Variants in CLCN5 observed in about 807,000 individuals in gnomAD.
CLCN5 encodes the protein H(+)/Cl(-) exchange transporter 5.
A neutral mutation model predicts 54.0 loss-of-function variants in CLCN5; 17 were observed. The ratio of observed to expected loss-of-function variants is 0.31; its 90% CI spans 0.22 to 0.47. The LOEUF is 0.47. CLCN5 is among the 20% of genes least tolerant of loss of function. The pLI, the probability that CLCN5 is intolerant of heterozygous loss-of-function variation, is 1.00. For missense variants in CLCN5, 448 were observed against 646.7 expected (o/e 0.69, Z 3.33); for synonymous variants, 222 against 233.0 (o/e 0.95, Z 0.43).
Position 50,094,819 on chromosome X carries a change from G to A in CLCN5, c.*2600G>A, listed in dbSNP as rs1048536445. 8.9e-6 allele frequency: 1 copy of A among 112,730 alleles called. No individual in the cohort carries two copies. The highest frequency in any genetic ancestry group is 1.9e-5 in the Non-Finnish European group (1 of 53,330). 9.3% of individuals were successfully genotyped at this position (112,730 alleles called of 1,213,427 possible). ...GTATATGGTATCCACTATATGTCCA[G>A]TCCTATGGTTTGGCTCAAAGGTTGG... On this transcript the variant is annotated 3_prime_UTR_variant, in exon 15 of 15. Transcript: ENST00000376091.
rs912724664 is a variant in CLCN5, at chrX:50,094,632, A to T, written c.*2413A>T. Reference sequence around the variant, plus strand: ...GCTACTTCAGAGAATAAATTAGAGAAATCAGATAACACTGTGCCAAGGTAT... The same window carrying T: ...GCTACTTCAGAGAATAAATTAGAGATATCAGATAACACTGTGCCAAGGTAT... On this transcript the variant is annotated 3_prime_UTR_variant, in exon 15 of 15. Transcript: ENST00000376091. 8.9e-6 allele frequency: 1 copy of T among 112,475 alleles called. No individual in the cohort carries two copies. Among genetic ancestry groups the T allele is most frequent in the African/African-American group, 3.2e-5 (1 of 30,869 alleles). 9.3% of individuals were successfully genotyped at this position (112,475 alleles called of 1,213,427 possible).
In CLCN5 at chrX:50,058,393, G is replaced by A. The variant is rs782023523; in HGVS notation, c.164-11486G>A. Among the ~76,000 whole-genome samples, 118 of 110,535 alleles carry A rather than the reference G, an allele frequency of 1.1e-3. 1 individual carries two copies. Among genetic ancestry groups the A allele is most frequent in the African/African-American group, 3.8e-3 (116 of 30,481 alleles). On this transcript the variant is annotated intron_variant, in intron 4 of 14. Coordinates refer to ENST00000376091, the MANE Select transcript of CLCN5 (RefSeq NM_001127898.4). ...TAGGTAAATTTCTAATGGCATATTGGTTAGGGATTTAAATAAACATTATTC... is the reference window on the plus strand; with the variant it reads ...TAGGTAAATTTCTAATGGCATATTGATTAGGGATTTAAATAAACATTATTC...
At position 50,081,626 on chromosome X, in the gene CLCN5, G is replaced by C. The variant is rs1557193162; in HGVS notation, c.727-15G>C. ...TCCTTAGTCTATATTCAATCTTTCT[G>C]TGTTTAACCTGCAGATAAAAACTAT... On this transcript the variant is annotated splice_polypyrimidine_tract_variant and intron_variant, in intron 8 of 14. Coordinates refer to ENST00000376091, the MANE Select transcript of CLCN5 (RefSeq NM_001127898.4). 4 of 1,178,413 alleles carry C rather than the reference G, an allele frequency of 3.4e-6. No individual in the cohort carries two copies. The highest frequency in any genetic ancestry group is 2.7e-4 in the Middle Eastern group (1 of 3,690).
At chrX:49,942,659 T>G (rs6520490) in intron 3 of CLCN5, among the ~76,000 whole-genome samples, 8,000 of 106,781 alleles carry the variant, frequency 0.075, 836 homozygotes, top group African/African-American at 0.26. Context: ...GCGGTGTTTG[T>G]TTTTTTGTCC....
At chrX:49,991,254 C>T (rs1427317963) in intron 3 of CLCN5, among the ~76,000 whole-genome samples, 1 of 112,152 alleles carries the variant, frequency 8.9e-6, no homozygotes, top group Non-Finnish European at 1.9e-5. Context: ...GCCATTCTTG[C>T]TGAGGTAAGA....
At chrX:50,079,265 C>T (rs1182607007) in intron 7 of CLCN5, among the ~76,000 whole-genome samples, 3 of 111,663 alleles carry the variant, frequency 2.7e-5, no homozygotes, top group African/African-American at 9.8e-5. Flanking sequence ...CCTCTGAGGG[C>T]CTAAGATAAT....
chrX:49,954,746 C>T (rs1392715390), intron 3 of CLCN5, among the ~76,000 whole-genome samples: 1 of 111,893 alleles, frequency 8.9e-6, no homozygotes, highest in Non-Finnish European at 1.9e-5. Context: ...AGAGCCTATA[C>T]TTACATTCTT....
At chrX:50,066,165 A>T (rs1933008361) in intron 4 of CLCN5, among the ~76,000 whole-genome samples, 1 of 68,448 alleles carries the variant, frequency 1.5e-5, no homozygotes, top group Non-Finnish European at 2.9e-5. Context: ...AGTATAATTA[A>T]AAAAAAAAAA....
intron 4 of CLCN5, among the ~76,000 whole-genome samples, chrX:50,065,268 A>G (rs1409175305): frequency 3.2e-4 from 30 of 93,274 alleles, no homozygotes; most frequent in Admixed American, 2.9e-3. Context: ...CTCATCTGAC[A>G]AAGGGCTAAT....
chrX:50,038,106 A>T (rs1224565956), intron 3 of CLCN5, among the ~76,000 whole-genome samples: 1 of 112,079 alleles, frequency 8.9e-6, no homozygotes, highest in Non-Finnish European at 1.9e-5. Flanking sequence ...AAGAACATAG[A>T]AGCCAGCTTG....
At chrX:50,081,561 A>T (rs781893534) in intron 8 of CLCN5, 80 bp from the exon 9 acceptor site, 2 of 751,644 alleles carry the variant, frequency 2.7e-6, no homozygotes, top group Non-Finnish European at 4.2e-6. Flanking sequence ...TGCAGTTTCT[A>T]TAATGAGGTC....
intron 3 of CLCN5, among the ~76,000 whole-genome samples, chrX:49,985,817 A>G (rs1192466832): frequency 1.8e-5 from 2 of 111,670 alleles, no homozygotes; most frequent in Non-Finnish European, 3.8e-5. Context: ...TAGAGTTCAA[A>G]GAGAGAGTAA....
intron 4 of CLCN5, among the ~76,000 whole-genome samples, chrX:50,057,462 A>C (rs1248572670): frequency 1.5e-4 from 3 of 20,344 alleles, no homozygotes; most frequent in African/African-American, 6.6e-4. Context: ...TCTCCTGGAT[A>C]GATACTATCC....
In CLCN5 at chrX:50,075,827, C is replaced by A. The variant is rs782412118; in HGVS notation, c.448C>A (p.His150Asn). 2.4e-5 allele frequency: 29 copies of A among 1,209,684 alleles called. No homozygotes were observed. Among genetic ancestry groups the A allele is most frequent in the Non-Finnish European group, 3.0e-5 (27 of 894,940 alleles). The change falls in exon 7 of 15, where the codon CAT becomes AAT. Residue 150 changes from histidine to asparagine, a missense_variant. Physicochemically the swap from His to Asn is moderately conservative, Grantham distance 68. Transcript: ENST00000376091. ...SLAGLIDISAHWMTDLKEGIC... is the reference protein window; with the variant it reads ...SLAGLIDISANWMTDLKEGIC... The stretch of plus-strand genomic sequence containing the variant: ...AGCTGGTTTGATAGACATCTCTGCT[C>A]ATTGGATGACAGACTTAAAAGAAGG...
chrX:50,038,335 A>G (rs1932082806), intron 3 of CLCN5, among the ~76,000 whole-genome samples: 1 of 111,941 alleles, frequency 8.9e-6, no homozygotes, highest in Admixed American at 9.5e-5. Context: ...TGTTACAAAG[A>G]GACAAATGAT....
chrX:49,954,725 A>G (rs1264511647), intron 3 of CLCN5, among the ~76,000 whole-genome samples: 1 of 111,475 alleles, frequency 9.0e-6, no homozygotes, highest in Non-Finnish European at 1.9e-5. Context: ...GGAGAGAAGG[A>G]AGGAGAATTA....
intron 4 of CLCN5, among the ~76,000 whole-genome samples, chrX:50,063,778 G>T (rs377628921): frequency 5.4e-5 from 6 of 110,555 alleles, no homozygotes; most frequent in African/African-American, 2.0e-4. Flanking sequence ...CTGGCAAACC[G>T]AATCCAGCAG....
intron 3 of CLCN5, among the ~76,000 whole-genome samples, chrX:50,004,650 G>A (rs1308452362): frequency 1.8e-5 from 2 of 111,885 alleles, no homozygotes. Context: ...GCTCATGCCT[G>A]TAATCTCAGC....
chrX:49,933,388 C>T (rs1925762913), intron 3 of CLCN5, among the ~76,000 whole-genome samples: 1 of 111,964 alleles, frequency 8.9e-6, no homozygotes, highest in Non-Finnish European at 1.9e-5. Flanking sequence ...AACAACCTTT[C>T]AAAAAATTAT....
Sources: allele counts gnomAD v4.1 joint callset (sites outside exome capture counted in the v4.1 genomes callset), GRCh38; gene constraint gnomAD v4.1.1; transcripts MANE v1.5; gene names NCBI Gene and HGNC (gene_info 2026-07-23, HGNC 2026-07-21).